The following MAL2 variants were observed in gnomAD, a reference collection of about 807,000 sequenced individuals.
MAL2 encodes mal, T cell differentiation protein 2.
Under a neutral mutation model 18.1 loss-of-function variants are expected in MAL2, and 17 were observed. The ratio of observed to expected loss-of-function variants is 0.94; its 90% CI spans 0.64 to 1.41. The LOEUF is 1.41. Ranked by LOEUF, MAL2 falls within the 40% of genes most tolerant of loss-of-function variation. The pLI is 0.00. For missense variants in MAL2, 222 were observed against 231.9 expected (o/e 0.96, Z 0.28); for synonymous variants, 102 against 102.3 (o/e 1.00, Z 0.02).
chr8:119,231,818 G>A (rs1422345659), intron 2 of MAL2, among the ~76,000 whole-genome samples: 1 of 152,090 alleles, frequency 6.6e-6, no homozygotes, highest in Non-Finnish European at 1.5e-5. Context: ...GCCAGGCACG[G>A]AAAGACCAAT....
At chr8:119,238,442 A>C (rs1465679555) in intron 2 of MAL2, among the ~76,000 whole-genome samples, 1 of 152,138 alleles carries the variant, frequency 6.6e-6, no homozygotes, top group Non-Finnish European at 1.5e-5. Flanking sequence ...AGTTCATAGG[A>C]ACCGAAAAAG....
chr8:119,237,782 C>T (rs1320303208), intron 2 of MAL2, among the ~76,000 whole-genome samples: 2 of 151,740 alleles, frequency 1.3e-5, no homozygotes, highest in Non-Finnish European at 2.9e-5. Flanking sequence ...ACTGATGGGA[C>T]GTATTTCAAA....
intron 3 of MAL2, among the ~76,000 whole-genome samples, chr8:119,242,346 C>T (rs1408519329): frequency 6.6e-6 from 1 of 152,144 alleles, no homozygotes; most frequent in Non-Finnish European, 1.5e-5. Flanking sequence ...CTAAGTGAAG[C>T]TGTCTCAGTA....
At chr8:119,240,741 A>G (rs1448132285) in intron 3 of MAL2, among the ~76,000 whole-genome samples, 1 of 152,148 alleles carries the variant, frequency 6.6e-6, no homozygotes, top group Non-Finnish European at 1.5e-5. Flanking sequence ...TTTATCAAGT[A>G]ATTTTGCTGG....
chr8:119,227,699 C>T (rs1161097225), intron 2 of MAL2, among the ~76,000 whole-genome samples: 1 of 152,214 alleles, frequency 6.6e-6, no homozygotes, highest in African/African-American at 2.4e-5. Context: ...TCCTCTCATA[C>T]TGCAGATCCA....
chr8:119,239,453 A>G (rs1359497179), intron 2 of MAL2, among the ~76,000 whole-genome samples: 1 of 152,072 alleles, frequency 6.6e-6, no homozygotes, highest in African/African-American at 2.4e-5. Context: ...TCATGCTGCT[A>G]TAAAGACACA....
intron 2 of MAL2, among the ~76,000 whole-genome samples, chr8:119,226,399 CT>C (rs1446994274): frequency 6.6e-5 from 10 of 150,466 alleles, no homozygotes; most frequent in East Asian, 2.0e-4. Context: ...ATAGGGAATC[CT>C]TTCCCCCCCT....
intron 2 of MAL2, among the ~76,000 whole-genome samples, chr8:119,228,192 G>A (rs1304876001): frequency 6.6e-6 from 1 of 152,066 alleles, no homozygotes; most frequent in Admixed American, 6.6e-5. Context: ...TGTCAAGATG[G>A]TAACTCCTCT....
Position 119,208,499 on chromosome 8 carries a change from G to C in MAL2, c.27G>C (p.Pro9=). The change falls in exon 1 of 4, where the codon CCG becomes CCC. Residue 9 remains proline (P), a synonymous_variant. Coordinates refer to ENST00000614891, the MANE Select transcript of MAL2 (RefSeq NM_052886.3). This position sits in a 1 kb window ranked among gnomAD's most constrained non-coding sequence, Gnocchi z 4.3. Reference sequence around the variant, plus strand: ...TGTCGGCCGGCGGAGCGTCAGTCCCGCCGCCCCCGAACCCCGCCGTGTCCT... The same window carrying C: ...TGTCGGCCGGCGGAGCGTCAGTCCCCCCGCCCCCGAACCCCGCCGTGTCCT... MSAGGASV[P]PPPNPAVSFP... is the part of the protein sequence containing the mutation. 1 of 1,306,260 alleles carries C rather than the reference G, an allele frequency of 7.7e-7. No homozygotes were observed. Among genetic ancestry groups the C allele is most frequent in the Non-Finnish European group, 9.7e-7 (1 of 1,025,774 alleles). The allele number at this position is 1,306,260 out of a possible 1,614,324, so 80.9% of individuals were successfully genotyped here.
At chr8:119,230,770 T>TTAGCCATTAAA (rs1817703940) in intron 2 of MAL2, among the ~76,000 whole-genome samples, 1 of 152,214 alleles carries the variant, frequency 6.6e-6, no homozygotes, top group Non-Finnish European at 1.5e-5. Flanking sequence ...ATCATTTCAT[T>TTAGCCATTAAA]TAGCCATTAA....
intron 2 of MAL2, among the ~76,000 whole-genome samples, chr8:119,230,171 A>G (rs1817687110): frequency 6.6e-6 from 1 of 152,214 alleles, no homozygotes. Context: ...TAGAGGCTCT[A>G]AAACTCCAGG....
At chr8:119,243,065 A>G (rs1818078326) in intron 3 of MAL2, among the ~76,000 whole-genome samples, 1 of 152,232 alleles carries the variant, frequency 6.6e-6, no homozygotes, top group East Asian at 1.9e-4. Flanking sequence ...TGAAGCCACT[A>G]CATGAACAGA....
chr8:119,237,964 G>A (rs1282411547), intron 2 of MAL2, among the ~76,000 whole-genome samples: 2 of 152,122 alleles, frequency 1.3e-5, no homozygotes, highest in Non-Finnish European at 2.9e-5. Context: ...GGAAATAAAA[G>A]GTATTCAGTT....
intron 2 of MAL2, among the ~76,000 whole-genome samples, chr8:119,231,296 T>C (rs1817722025): frequency 6.6e-6 from 1 of 152,246 alleles, no homozygotes; most frequent in Admixed American, 6.5e-5. Context: ...CCTCCCAAAG[T>C]GCTGGGATTA....
Position 119,208,502 on chromosome 8 carries a change from G to A in MAL2, c.30G>A (p.Pro10=). 7.6e-7 allele frequency: 1 copy of A among 1,311,236 alleles called. No homozygotes were observed. 81.2% of individuals were successfully genotyped at this position (1,311,236 alleles called of 1,614,324 possible). MSAGGASVP[P]PPNPAVSFPP... ...CGGCCGGCGGAGCGTCAGTCCCGCC[G>A]CCCCCGAACCCCGCCGTGTCCTTCC... Residue 10 remains proline (P), a synonymous_variant, in exon 1 of 4, where the codon CCG becomes CCA. Coordinates refer to ENST00000614891, the MANE Select transcript of MAL2 (RefSeq NM_052886.3). The surrounding 1 kb of genome is among the most constrained non-coding windows in gnomAD (Gnocchi z 4.3).
At chr8:119,229,268 A>G (rs1055396478) in intron 2 of MAL2, among the ~76,000 whole-genome samples, 1 of 148,754 alleles carries the variant, frequency 6.7e-6, no homozygotes, top group African/African-American at 2.5e-5. Context: ...ACAGTAGTCT[A>G]TTTGCTATTG....
chr8:119,240,397 G>T, intron 3 of MAL2, 77 bp downstream of exon 3: 1 of 1,449,996 alleles, frequency 6.9e-7, no homozygotes, highest in South Asian at 1.3e-5. Context: ...AACTCCTCAG[G>T]CAACAATAGT....
Position 119,225,481 on chromosome 8 carries a change from A to G in MAL2, c.303+3724A>G, listed in dbSNP as rs186317046. On this transcript the variant is annotated intron_variant, in intron 2 of 3. Coordinates refer to ENST00000614891, the MANE Select transcript of MAL2 (RefSeq NM_052886.3). The stretch of plus-strand genomic sequence containing the variant: ...ATTTTTTATGGCTGCATAGTATTCC[A>G]TGGTGTATATGTGCCACATTTTCTT... 5.1e-4 allele frequency among the ~76,000 whole-genome samples: 78 copies of G among 152,274 alleles called. No homozygotes were observed. The East Asian group carries it at 5.2e-3, about 10-fold the overall frequency.
At chr8:119,240,086 A>T (rs926263708) in intron 2 of MAL2, 79 bp from the exon 3 acceptor site, 5 of 1,433,516 alleles carry the variant, frequency 3.5e-6, no homozygotes, top group Non-Finnish European at 4.8e-6. Flanking sequence ...ATCTTGCTAA[A>T]CCTAAACTTC....
Sources: gnomAD v4.1 joint callset for allele counts (sites outside exome capture counted in the v4.1 genomes callset) on GRCh38, gnomAD v4.1.1 for gene constraint, Gnocchi (gnomAD v3.1) non-coding constraint, MANE v1.5 for transcripts, NCBI Gene and HGNC (gene_info 2026-07-23, HGNC 2026-07-21) for gene names.